Variants in MAPK8 observed in about 807,000 individuals in gnomAD.
MAPK8 encodes mitogen-activated protein kinase 8.
A neutral mutation model predicts 52.9 loss-of-function variants in MAPK8; 13 were observed. The ratio of observed to expected loss-of-function variants is 0.25; its 90% CI spans 0.16 to 0.39. MAPK8 has a LOEUF of 0.39. MAPK8 is among the 10% of genes least tolerant of loss of function. The pLI is 1.00. For missense variants in MAPK8, 300 were observed against 519.2 expected (o/e 0.58, Z 4.10); for synonymous variants, 191 against 169.8 (o/e 1.12, Z -0.97).
In MAPK8 at chr10:48,431,420, T is replaced by C. The variant is rs1589304135; in HGVS notation, c.1138+150T>C. On this transcript the variant is annotated intron_variant, in intron 11 of 11. Transcript: ENST00000374189. The stretch of plus-strand genomic sequence containing the variant: ...TAAGGAAATACAGTTTTGTTTTTTC[T>C]ACTAATACATTATACTAATATATCA... 4 of 596,372 alleles carry C rather than the reference T, an allele frequency of 6.7e-6. No individual in the cohort carries two copies. The African/African-American group carries it at 7.5e-5, about 11-fold the overall frequency. The allele number at this position is 596,372 out of a possible 1,614,324, so 36.9% of individuals were successfully genotyped here.
chr10:48,408,780 A>G (rs1167506990), intron 3 of MAPK8, among the ~76,000 whole-genome samples: 1 of 152,174 alleles, frequency 6.6e-6, no homozygotes, highest in Non-Finnish European at 1.5e-5. Context: ...ACAGAGATTT[A>G]TTTCTCACAA....
intron 11 of MAPK8, among the ~76,000 whole-genome samples, chr10:48,432,844 G>A (rs2044444909): frequency 6.6e-6 from 1 of 152,120 alleles, no homozygotes; most frequent in Admixed American, 6.5e-5. Flanking sequence ...ACTTTTTCTG[G>A]ATCCTCAGTT....
chr10:48,342,981 CT>C (rs745354875), intron 1 of MAPK8, among the ~76,000 whole-genome samples: 8 of 152,156 alleles, frequency 5.3e-5, no homozygotes, highest in Non-Finnish European at 1.2e-4. Context: ...GGAATTCCCC[CT>C]ATTGAATATC....
At chr10:48,378,420 CA>C (rs869100377) in intron 1 of MAPK8, among the ~76,000 whole-genome samples, 1 of 73,380 alleles carries the variant, frequency 1.4e-5, no homozygotes, top group Non-Finnish European at 2.6e-5. Flanking sequence ...AGATACATAA[CA>C]GTTAAGAATT....
chr10:48,395,866 G>A (rs927509040), intron 1 of MAPK8, among the ~76,000 whole-genome samples: 3 of 152,084 alleles, frequency 2.0e-5, no homozygotes, highest in African/African-American at 7.2e-5. Context: ...AGATGCAAAA[G>A]TAATTCAGTG....
At chr10:48,349,643 C>A (rs1262033215) in intron 1 of MAPK8, among the ~76,000 whole-genome samples, 3 of 152,138 alleles carry the variant, frequency 2.0e-5, no homozygotes, top group Non-Finnish European at 4.4e-5. Flanking sequence ...AAATTTATAG[C>A]ACTAAATGCC....
At chr10:48,308,964 A>T (rs562125937) in intron 1 of MAPK8, among the ~76,000 whole-genome samples, 2 of 152,328 alleles carry the variant, frequency 1.3e-5, no homozygotes, top group South Asian at 4.1e-4. Flanking sequence ...GTTTCTTATT[A>T]TTTGCTGTAA....
chr10:48,420,385 T>G (rs1324275213), intron 6 of MAPK8, 65 bp downstream of exon 6: 2 of 1,383,158 alleles, frequency 1.4e-6, no homozygotes, highest in African/African-American at 2.9e-5. Context: ...CAGTAGATTT[T>G]TAATGTAAAT....
At chr10:48,381,643 GATT>G (rs1412077256) in intron 1 of MAPK8, among the ~76,000 whole-genome samples, 3 of 152,170 alleles carry the variant, frequency 2.0e-5, no homozygotes, top group East Asian at 1.9e-4. Context: ...CAGATCTAAA[GATT>G]ATTAACAGAT....
Position 48,413,853 on chromosome 10 carries a change from ATATAT to A in MAPK8, c.450+3686_450+3690del, listed in dbSNP as rs1564604046. ...TATATATATATATATATATATATAT[ATATAT>A]ATTCAGAAATATTTTATATTTTTGT... On this transcript the variant is annotated intron_variant, in intron 5 of 11. Coordinates refer to ENST00000374189, the MANE Select transcript of MAPK8 (RefSeq NM_001323329.2). Among the ~76,000 whole-genome samples the A allele has an allele frequency of 4.8e-5, 6 of 123,974 alleles. No homozygotes were observed. The South Asian group carries it at 8.1e-4, about 17-fold the overall frequency. The allele number at this position is 123,974 out of a possible 152,430, so 81.3% of individuals were successfully genotyped here.
intron 1 of MAPK8, among the ~76,000 whole-genome samples, chr10:48,384,544 G>A (rs1373234268): frequency 6.6e-6 from 1 of 152,036 alleles, no homozygotes; most frequent in Non-Finnish European, 1.5e-5. Context: ...AAGAAAAAGG[G>A]CAAAAAAAGC....
chr10:48,380,310 A>G (rs2040920268), intron 1 of MAPK8, among the ~76,000 whole-genome samples: 1 of 152,252 alleles, frequency 6.6e-6, no homozygotes, highest in East Asian at 1.9e-4. Context: ...TAGGAATTGC[A>G]TACAATTTTG....
chr10:48,387,821 A>G (rs17697960), intron 1 of MAPK8, among the ~76,000 whole-genome samples: 16,561 of 152,240 alleles, frequency 0.11, 1,277 homozygotes, highest in Admixed American at 0.28. Context: ...TTATGATTTA[A>G]GGAGATTTTC....
intron 1 of MAPK8, among the ~76,000 whole-genome samples, chr10:48,313,352 G>C (rs1230249522): frequency 1.3e-5 from 2 of 152,112 alleles, no homozygotes; most frequent in South Asian, 4.1e-4. Flanking sequence ...AGAATCTCTT[G>C]AATCTAGGAG....
chr10:48,310,614 C>T lies in MAPK8; in HGVS notation c.-50+3793C>T, dbSNP rs576793226. 2.6e-5 allele frequency among the ~76,000 whole-genome samples: 4 copies of T among 152,218 alleles called. No individual in the cohort carries two copies. The South Asian group carries it at 6.2e-4, about 24-fold the overall frequency. ...TAATCAAGGATTAGACTGAAGGCAT[C>T]GCTAAACAGTTAATTTATGCTCTTT... On this transcript the variant is annotated intron_variant, in intron 1 of 11. Coordinates refer to ENST00000374189, the MANE Select transcript of MAPK8 (RefSeq NM_001323329.2).
At chr10:48,312,525 C>T (rs1370023470) in intron 1 of MAPK8, among the ~76,000 whole-genome samples, 1 of 152,188 alleles carries the variant, frequency 6.6e-6, no homozygotes, top group Non-Finnish European at 1.5e-5. Flanking sequence ...CACACACAAG[C>T]ACTTGCTTTG....
intron 1 of MAPK8, among the ~76,000 whole-genome samples, chr10:48,377,250 C>A (rs914977366): frequency 6.6e-6 from 1 of 151,984 alleles, no homozygotes; most frequent in Admixed American, 6.6e-5. Context: ...AGGAGAAATA[C>A]CTAATGTAGA....
chr10:48,355,270 G>A (rs932637572), intron 1 of MAPK8, among the ~76,000 whole-genome samples: 1 of 152,166 alleles, frequency 6.6e-6, no homozygotes, highest in Admixed American at 6.5e-5. Context: ...AGCACTTTGG[G>A]AGGCCGAGGT....
chr10:48,306,781 C>T lies in MAPK8; in HGVS notation c.-90C>T, dbSNP rs1369235531. On this transcript the variant is annotated 5_prime_UTR_variant, in exon 1 of 12. Transcript: ENST00000374189. ...CGACCACCCCGGACGGCCCCTGTCC[C>T]CGCTGGCGGGCTTCCCTGTCGCCGT... The T allele has an allele frequency of 1.3e-5, 2 of 151,590 alleles. No homozygotes were observed. The highest frequency in any genetic ancestry group is 2.4e-5 in the African/African-American group (1 of 41,390). 9.4% of individuals were successfully genotyped at this position (151,590 alleles called of 1,614,324 possible).
Sources: allele counts gnomAD v4.1 joint callset (sites outside exome capture counted in the v4.1 genomes callset), GRCh38; gene constraint gnomAD v4.1.1; transcripts MANE v1.5; gene names NCBI Gene and HGNC (gene_info 2026-07-23, HGNC 2026-07-21).